SMAD9: variants seen among roughly 807,000 people sequenced by gnomAD.
SMAD9 encodes the protein SMAD family member 9.
A neutral mutation model predicts 46.1 loss-of-function variants in SMAD9; 36 were observed. The ratio of observed to expected loss-of-function variants is 0.78; its 90% CI spans 0.60 to 1.03. SMAD9 has a LOEUF of 1.03. Ranked by LOEUF, SMAD9 falls within the 50% of genes least tolerant of loss-of-function variation. The pLI is 0.00. For synonymous variants in SMAD9, 245 were observed against 237.1 expected (o/e 1.03, Z -0.31); for missense variants, 572 against 599.8 (o/e 0.95, Z 0.48).
At chr13:36,872,567 T>C (rs2058304967) in intron 3 of SMAD9, 91 bp downstream of exon 3, 3 of 1,438,574 alleles carry the variant, frequency 2.1e-6, no homozygotes, top group Non-Finnish European at 2.9e-6. Flanking sequence ...TGAATGACAG[T>C]TACAATGACT....
chr13:36,890,072 T>C (rs2058477759), intron 1 of SMAD9, among the ~76,000 whole-genome samples: 1 of 152,222 alleles, frequency 6.6e-6, no homozygotes, highest in African/African-American at 2.4e-5. Context: ...TTTTATTCAA[T>C]GAACATTTAC....
At position 36,846,828 on chromosome 13, in the gene SMAD9, ATTTTG is replaced by A. The variant is rs1051412476; in HGVS notation, c.*1843_*1847del. 7 of 152,224 alleles carry A rather than the reference ATTTTG, an allele frequency of 4.6e-5. No individual in the cohort carries two copies. Among genetic ancestry groups the A allele is most frequent in the African/African-American group, 1.7e-4 (7 of 41,472 alleles). The allele number at this position is 152,224 out of a possible 1,614,324, so 9.4% of individuals were successfully genotyped here. A position where few individuals can be genotyped will look rare whatever the true frequency, so the allele number is the denominator to read the frequency against. On this transcript the variant is annotated 3_prime_UTR_variant, in exon 7 of 7. Transcript: ENST00000379826. The stretch of plus-strand genomic sequence containing the variant: ...CAAGCAAAAGATGATAGATTACATT[ATTTTG>A]TTTTGTTTTAAAAGTTCTGAAACAT...
chr13:36,866,411 C>T (rs1291001517), intron 4 of SMAD9, among the ~76,000 whole-genome samples: 1 of 152,000 alleles, frequency 6.6e-6, no homozygotes, highest in African/African-American at 2.4e-5. Flanking sequence ...TTTTCACACC[C>T]AACATAAAGT....
At chr13:36,870,121 A>T (rs1419824822) in intron 3 of SMAD9, among the ~76,000 whole-genome samples, 1 of 152,202 alleles carries the variant, frequency 6.6e-6, no homozygotes, top group Non-Finnish European at 1.5e-5. Flanking sequence ...GCCTTCTGTG[A>T]GAAACTAACC....
At chr13:36,884,766 G>A (rs2058431174) in intron 1 of SMAD9, among the ~76,000 whole-genome samples, 1 of 152,190 alleles carries the variant, frequency 6.6e-6, no homozygotes, top group Non-Finnish European at 1.5e-5. Flanking sequence ...TTTTAATCCT[G>A]AAGAAAATAC....
At chr13:36,896,900 A>G (rs1448329729) in intron 1 of SMAD9, among the ~76,000 whole-genome samples, 1 of 152,204 alleles carries the variant, frequency 6.6e-6, no homozygotes, top group African/African-American at 2.4e-5. Context: ...TGAGGTAGCA[A>G]GAGTAATATC....
At chr13:36,850,915 C>A (rs2058069256) in intron 6 of SMAD9, among the ~76,000 whole-genome samples, 1 of 152,176 alleles carries the variant, frequency 6.6e-6, no homozygotes, top group Non-Finnish European at 1.5e-5. Flanking sequence ...TCCTCTTTTT[C>A]TCCCACGCCT....
At position 36,910,225 on chromosome 13, in the gene SMAD9, C is replaced by A. The variant is rs187455661; in HGVS notation, c.-187+9891G>T. ...AAAAAAAAAAAATTAAAAACAAGCT[C>A]TTTAAACTAAAATTTAACCACCATT... On this transcript the variant is annotated intron_variant, in intron 1 of 6. Transcript: ENST00000379826. Among the ~76,000 whole-genome samples the A allele has an allele frequency of 1.6e-4, 25 of 151,904 alleles. 1 individual carries two copies. The highest frequency in any genetic ancestry group is 1.2e-3 in the East Asian group (6 of 5,152).
chr13:36,879,410 G>C lies in SMAD9; in HGVS notation c.280C>G (p.Arg94Gly). 1 of 1,613,948 alleles carries C rather than the reference G, an allele frequency of 6.2e-7. No homozygotes were observed. Among genetic ancestry groups the C allele is most frequent in the Non-Finnish European group, 8.5e-7 (1 of 1,180,026 alleles). ...TGCAGATCCGGCCAGCGCCACACGC[G>C]ACAGTAAATCACATGGGGCAGGCCC... is the stretch of plus-strand genomic sequence containing the variant. ...RKGLPHVIYC[R>G]VWRWPDLQSH... Residue 94 changes from arginine (R) to glycine (G), a missense_variant, in exon 2 of 7, where the codon CGC becomes GGC. Physicochemically the swap from Arg to Gly is moderately radical, Grantham distance 125 (BLOSUM62 -2). Transcript: ENST00000379826.
At chr13:36,848,878 C>T (rs1432762796) in intron 6 of SMAD9, 59 bp from the exon 7 acceptor site, 1 of 1,586,150 alleles carries the variant, frequency 6.3e-7, no homozygotes. Context: ...CCTCCAGAGC[C>T]CCAGGCAGAG....
intron 1 of SMAD9, among the ~76,000 whole-genome samples, chr13:36,907,011 G>T (rs1368834480): frequency 5.3e-5 from 8 of 150,726 alleles, no homozygotes; most frequent in Non-Finnish European, 1.5e-5. Flanking sequence ...ATGAATGAAT[G>T]AACAAATTGT....
intron 4 of SMAD9, 108 bp downstream of exon 4, chr13:36,867,165 A>G (rs372264990): frequency 2.8e-5 from 21 of 748,822 alleles, no homozygotes; most frequent in Middle Eastern, 2.3e-4. Flanking sequence ...CACATGCAAA[A>G]CAGCAGGCCA....
chr13:36,888,849 A>T (rs866786761), intron 1 of SMAD9, among the ~76,000 whole-genome samples: 1 of 152,174 alleles, frequency 6.6e-6, no homozygotes, highest in Non-Finnish European at 1.5e-5. Context: ...CCCTTTTAAT[A>T]TAATAGCTTA....
At chr13:36,852,630 CTACT>C (rs778253475) in intron 6 of SMAD9, 22 of 915,686 alleles carry the variant, frequency 2.4e-5, no homozygotes, top group African/African-American at 9.0e-5. Context: ...CTTTATAACA[CTACT>C]TAGTTTATTA....
intron 2 of SMAD9, among the ~76,000 whole-genome samples, chr13:36,873,728 T>C (rs1322584392): frequency 6.6e-6 from 1 of 152,044 alleles, no homozygotes; most frequent in Non-Finnish European, 1.5e-5. Flanking sequence ...CCGGGTGTGG[T>C]GGCGGGCACC....
intron 1 of SMAD9, among the ~76,000 whole-genome samples, chr13:36,903,100 G>C (rs2058590512): frequency 2.0e-5 from 3 of 150,202 alleles, no homozygotes; most frequent in South Asian, 4.2e-4. Flanking sequence ...CTAGTGCCGA[G>C]GGGCTCTTTC....
At chr13:36,894,441 T>C (rs2058512449) in intron 1 of SMAD9, among the ~76,000 whole-genome samples, 2 of 152,186 alleles carry the variant, frequency 1.3e-5, no homozygotes. Context: ...TACGAGTCCA[T>C]TAAGCCTCTT....
chr13:36,853,389 T>C (rs776738132), intron 6 of SMAD9, 30 bp downstream of exon 6: 3 of 1,612,078 alleles, frequency 1.9e-6, no homozygotes, highest in Non-Finnish European at 1.7e-6. Context: ...TCACTGAACA[T>C]TTTATAACGT....
chr13:36,904,377 G>A (rs2058601913), intron 1 of SMAD9, among the ~76,000 whole-genome samples: 1 of 152,144 alleles, frequency 6.6e-6, no homozygotes, highest in South Asian at 2.1e-4. Flanking sequence ...CACGGCGCTG[G>A]GATTTGCCAG....
Sources: allele counts gnomAD v4.1 joint callset (sites outside exome capture counted in the v4.1 genomes callset), GRCh38; gene constraint gnomAD v4.1.1; transcripts MANE v1.5; gene names NCBI Gene and HGNC (gene_info 2026-07-23, HGNC 2026-07-21).